Variants in C8orf34 observed in about 807,000 individuals in gnomAD.
C8orf34 encodes uncharacterized protein C8orf34.
C8orf34 carries 65 observed loss-of-function variants against 68.3 expected under a neutral mutation model. That is an observed-to-expected ratio of 0.95 (90% CI 0.78 to 1.17). The LOEUF (loss-of-function observed/expected upper bound fraction) is 1.17, where lower values mean the gene tolerates loss of function less well. Ranked by LOEUF, C8orf34 falls within the 50% of genes most tolerant of loss-of-function variation. The pLI is 0.00. For missense variants in C8orf34, 664 were observed against 655.4 expected (o/e 1.01, Z -0.14); for synonymous variants, 244 against 241.2 (o/e 1.01, Z -0.11).
At chr8:68,672,357 G>T (rs1820040595) in intron 8 of C8orf34, among the ~76,000 whole-genome samples, 1 of 152,214 alleles carries the variant, frequency 6.6e-6, no homozygotes, top group Non-Finnish European at 1.5e-5. Flanking sequence ...ACTGAAAGGG[G>T]CACTGAAGAG....
intron 7 of C8orf34, among the ~76,000 whole-genome samples, chr8:68,592,596 C>CTTTTTTTTT (rs869214252): frequency 7.5e-5 from 2 of 26,526 alleles, no homozygotes; most frequent in African/African-American, 2.8e-4. Context: ...TTTATCTCTT[C>CTTTTTTTTT]TTTTTTTTTT....
chr8:68,725,831 A>G (rs1248601044), intron 10 of C8orf34, among the ~76,000 whole-genome samples: 1 of 152,222 alleles, frequency 6.6e-6, no homozygotes, highest in Admixed American at 6.5e-5. Context: ...GCACTGAGTC[A>G]CTGTTAACAC....
chr8:68,632,533 A>T (rs1419504110), intron 7 of C8orf34, among the ~76,000 whole-genome samples: 1 of 152,174 alleles, frequency 6.6e-6, no homozygotes, highest in Non-Finnish European at 1.5e-5. Context: ...AGATATTTGC[A>T]TAAGTAATGA....
intron 10 of C8orf34, among the ~76,000 whole-genome samples, chr8:68,750,705 A>G (rs563953240): frequency 6.6e-6 from 1 of 152,304 alleles, no homozygotes; most frequent in East Asian, 1.9e-4. Flanking sequence ...GCTTTGGTAC[A>G]CTGCTTTTGG....
At chr8:68,722,113 G>T (rs1298890982) in intron 10 of C8orf34, among the ~76,000 whole-genome samples, 2 of 152,066 alleles carry the variant, frequency 1.3e-5, no homozygotes, top group East Asian at 3.9e-4. Flanking sequence ...TTTTCTCAAA[G>T]TTGTGGAGGC....
intron 1 of C8orf34, among the ~76,000 whole-genome samples, chr8:68,371,236 G>A (rs371131132): frequency 1.3e-5 from 2 of 152,138 alleles, no homozygotes; most frequent in East Asian, 3.9e-4. Flanking sequence ...TTTTATATTT[G>A]GGAAGCCTGT....
At chr8:68,785,413 T>C (rs962712196) in intron 11 of C8orf34, among the ~76,000 whole-genome samples, 1 of 112,368 alleles carries the variant, frequency 8.9e-6, no homozygotes, top group Admixed American at 7.8e-5. Context: ...TCCATTTACT[T>C]TACTGTTTGT....
In C8orf34 at chr8:68,397,738, ATTCCTTT is replaced by A. The variant is rs576523157; in HGVS notation, c.328-41759_328-41753del. Among the ~76,000 whole-genome samples the A allele has an allele frequency of 2.0e-5, 3 of 152,120 alleles. No homozygotes were observed. In the South Asian group the frequency reaches 6.2e-4, roughly 32 times the overall value. ...AATTGTGCTGCACTGCATGAAAGCC[ATTCCTTT>A]TGTCCTGTGAACTGACCCTATTTTT... is the stretch of plus-strand genomic sequence containing the variant. On this transcript the variant is annotated intron_variant, in intron 1 of 13. Transcript: ENST00000518698.
At chr8:68,369,485 T>G (rs1586001617) in intron 1 of C8orf34, among the ~76,000 whole-genome samples, 4 of 152,350 alleles carry the variant, frequency 2.6e-5, no homozygotes, top group Admixed American at 2.6e-4. Context: ...CTGGTCGTAA[T>G]CAATTTTCCA....
intron 10 of C8orf34, among the ~76,000 whole-genome samples, chr8:68,754,048 AT>A (rs1475903777): frequency 6.6e-6 from 1 of 151,926 alleles, no homozygotes; most frequent in Non-Finnish European, 1.5e-5. Flanking sequence ...GATGTCTAGC[AT>A]TTGGTTACCA....
intron 8 of C8orf34, among the ~76,000 whole-genome samples, chr8:68,642,934 T>C (rs552854898): frequency 8.9e-4 from 136 of 152,274 alleles, no homozygotes; most frequent in African/African-American, 2.4e-3. Context: ...CACAATAGGG[T>C]TCATGCCCCT....
intron 12 of C8orf34, among the ~76,000 whole-genome samples, chr8:68,811,137 G>C (rs1225491972): frequency 6.6e-6 from 1 of 152,174 alleles, no homozygotes; most frequent in Non-Finnish European, 1.5e-5. Flanking sequence ...GCACCCCCTC[G>C]ACCCTTCTCC....
chr8:68,570,762 C>T (rs1459991022), intron 7 of C8orf34, among the ~76,000 whole-genome samples: 1 of 152,208 alleles, frequency 6.6e-6, no homozygotes, highest in Non-Finnish European at 1.5e-5. Flanking sequence ...AACCCCAGAG[C>T]TGCTGAATTG....
chr8:68,559,267 G>A (rs1211595155), intron 7 of C8orf34, among the ~76,000 whole-genome samples: 1 of 152,170 alleles, frequency 6.6e-6, no homozygotes, highest in African/African-American at 2.4e-5. Context: ...ATTTCTATGT[G>A]TCCAGCCTGA....
intron 8 of C8orf34, among the ~76,000 whole-genome samples, chr8:68,650,714 C>A (rs949090825): frequency 6.6e-6 from 1 of 151,968 alleles, no homozygotes; most frequent in African/African-American, 2.4e-5. Context: ...CTCCTGACCT[C>A]GTGATCCGCC....
intron 1 of C8orf34, among the ~76,000 whole-genome samples, chr8:68,435,126 TATA>T (rs950713912): frequency 2.7e-5 from 4 of 149,686 alleles, no homozygotes; most frequent in African/African-American, 7.3e-5. Context: ...ATTATTCATA[TATA>T]ATATTACAAG....
At chr8:68,806,811 C>G (rs775510879) in intron 12 of C8orf34, among the ~76,000 whole-genome samples, 1 of 152,188 alleles carries the variant, frequency 6.6e-6, no homozygotes, top group East Asian at 1.9e-4. Context: ...TCACCCCAAA[C>G]CTTAGTGGTC....
At chr8:68,600,786 A>G (rs1031727101) in intron 7 of C8orf34, among the ~76,000 whole-genome samples, 2 of 152,130 alleles carry the variant, frequency 1.3e-5, no homozygotes, top group Non-Finnish European at 2.9e-5. Flanking sequence ...CCTCTGTTCT[A>G]GCTGTTTTGA....
rs143049728 is a variant in C8orf34 at position 68,468,755 on chromosome 8, A to T, written c.671A>T (p.Asp224Val). 7.4e-6 allele frequency: 12 copies of T among 1,612,806 alleles called. No individual in the cohort carries two copies. The highest frequency in any genetic ancestry group is 1.0e-5 in the Non-Finnish European group (12 of 1,179,180). Residue 224 changes from aspartate to valine, a missense_variant, in exon 4 of 14, where the codon GAT (aspartate) becomes GTT (valine). Asp to Val is a radical substitution (Grantham distance 152). Transcript: ENST00000518698. ...WRTKPQSRDF[D>V]ELNHILQESK... ...ACTAAACCACAAAGCCGTGATTTTG[A>T]TGAATTGAATCACATCCTTCAGGAG... is the stretch of plus-strand genomic sequence containing the variant.
Sources: allele counts gnomAD v4.1 joint callset (sites outside exome capture counted in the v4.1 genomes callset), GRCh38; gene constraint gnomAD v4.1.1; transcripts MANE v1.5; gene names NCBI Gene and HGNC (gene_info 2026-07-23, HGNC 2026-07-21).